The following CSMD3 variants were observed in gnomAD, a reference collection of about 807,000 sequenced individuals.
The protein encoded by CSMD3 is CUB and Sushi multiple domains 3.
A neutral mutation model predicts 435.2 loss-of-function variants in CSMD3; 177 were observed. That is an observed-to-expected ratio of 0.41 (90% CI 0.36 to 0.46). CSMD3 has a LOEUF of 0.46. Among genes scored for constraint, CSMD3 ranks in the 20% least tolerant of loss-of-function variants. The probability of loss-of-function intolerance (pLI) is 0.34; values close to 1 mark genes in which losing one functional copy is unlikely to be tolerated. For missense variants in CSMD3, 4,265 were observed against 4,504.6 expected, an observed-to-expected ratio of 0.95 and a Z score of 1.52; for synonymous variants, 1,656 against 1,520.5, an observed-to-expected ratio of 1.09 and a Z score of -2.07.
At position 112,253,974 on chromosome 8, in the gene CSMD3, T is replaced by C. The variant is rs1815524439; in HGVS notation, c.10110+279A>G. Among the ~76,000 whole-genome samples the C allele has an allele frequency of 2.6e-5, 4 of 152,192 alleles. No individual in the cohort carries two copies. In the South Asian group the frequency reaches 8.3e-4, roughly 32 times the overall value. Reference sequence around the variant, plus strand: ...ACTCCCTCACTCTTACTGTCTTATATATAACTCTCTAATGCTTATGGATTT... The same window carrying C: ...ACTCCCTCACTCTTACTGTCTTATACATAACTCTCTAATGCTTATGGATTT... On this transcript the variant is annotated intron_variant, in intron 63 of 70. Coordinates refer to ENST00000297405, the MANE Select transcript of CSMD3 (RefSeq NM_198123.2).
intron 28 of CSMD3, among the ~76,000 whole-genome samples, chr8:112,516,561 G>C (rs1477358544): frequency 1.3e-5 from 2 of 152,126 alleles, no homozygotes; most frequent in African/African-American, 4.8e-5. Flanking sequence ...CAGCTTCTTA[G>C]ATCTTCCAAA....
intron 6 of CSMD3, among the ~76,000 whole-genome samples, chr8:112,988,333 C>T (rs1246830384): frequency 1.3e-5 from 2 of 152,074 alleles, no homozygotes; most frequent in African/African-American, 4.8e-5. Context: ...TTAAATTTCA[C>T]ACCTGTTTAA....
chr8:112,918,914 T>C (rs923835351), intron 10 of CSMD3, among the ~76,000 whole-genome samples: 2 of 151,904 alleles, frequency 1.3e-5, no homozygotes, highest in African/African-American at 4.8e-5. Flanking sequence ...AAAAAGCATA[T>C]TTATTCTGTC....
intron 32 of CSMD3, among the ~76,000 whole-genome samples, chr8:112,446,051 T>C (rs1034850471): frequency 1.3e-5 from 2 of 152,184 alleles, no homozygotes; most frequent in Non-Finnish European, 2.9e-5. Flanking sequence ...GAATTTAATA[T>C]TTTCTATATT....
intron 22 of CSMD3, among the ~76,000 whole-genome samples, chr8:112,616,498 A>ATTGTCAAG (rs1833674035): frequency 6.6e-6 from 1 of 152,138 alleles, no homozygotes; most frequent in Admixed American, 6.6e-5. Flanking sequence ...GAATTATGGC[A>ATTGTCAAG]TTGTCAAGTA....
At chr8:112,943,790 T>G (rs2083522503) in intron 9 of CSMD3, among the ~76,000 whole-genome samples, 1 of 151,720 alleles carries the variant, frequency 6.6e-6, no homozygotes, top group Admixed American at 6.6e-5. Context: ...CAACTTCTGC[T>G]TCTGAAACTG....
Position 112,314,486 on chromosome 8 carries a change from T to G in CSMD3, c.7492A>C (p.Met2498Leu). 1.9e-6 allele frequency: 3 copies of G among 1,612,658 alleles called. No homozygotes were observed. The highest frequency in any genetic ancestry group is 2.5e-6 in the Non-Finnish European group (3 of 1,178,820). ...TCTGTCTGGAAGAATTCTACAAACA[T>G]GGTGATATTATAACCCTTTTCCACT... ...ISVEKGYNIT[M>L]FVEFFQTEKE... The change falls in exon 48 of 71, where the codon ATG (methionine) becomes CTG (leucine). Residue 2498 changes from methionine to leucine, a missense_variant. Transcript: ENST00000297405.
At chr8:112,481,669 T>A (rs1461612051) in intron 31 of CSMD3, among the ~76,000 whole-genome samples, 1 of 152,208 alleles carries the variant, frequency 6.6e-6, no homozygotes, top group Non-Finnish European at 1.5e-5. Flanking sequence ...TCATAAATCC[T>A]AGTATAGAAT....
chr8:113,377,564 C>G (rs143929843), intron 1 of CSMD3, among the ~76,000 whole-genome samples: 342 of 152,192 alleles, frequency 2.2e-3, no homozygotes, highest in African/African-American at 7.9e-3. Context: ...ATTTTTAATC[C>G]AAAGAAGGTA....
chr8:112,942,642 C>T (rs1317015646), intron 9 of CSMD3, among the ~76,000 whole-genome samples: 3 of 151,552 alleles, frequency 2.0e-5, no homozygotes, highest in Non-Finnish European at 1.5e-5. Context: ...TTCTCACTTA[C>T]AAGTAAGAAC....
At chr8:113,283,010 G>A (rs1017668272) in intron 2 of CSMD3, among the ~76,000 whole-genome samples, 1 of 152,072 alleles carries the variant, frequency 6.6e-6, no homozygotes. Flanking sequence ...AGCAAATGGT[G>A]CTGAGATAAT....
intron 3 of CSMD3, among the ~76,000 whole-genome samples, chr8:113,236,892 T>G (rs2132221816): frequency 6.6e-6 from 1 of 152,300 alleles, no homozygotes; most frequent in East Asian, 1.9e-4. Flanking sequence ...GTTCTGGCTC[T>G]GAAGAATTCT....
At position 112,689,983 on chromosome 8, in the gene CSMD3, A is replaced by G. The variant is rs1372513658; in HGVS notation, c.2040T>C (p.Phe680=). The change falls in exon 14 of 71, where the codon TTT becomes TTC. Residue 680 remains phenylalanine (F), a synonymous_variant. Coordinates refer to ENST00000297405, the MANE Select transcript of CSMD3 (RefSeq NM_198123.2). ...PLYGIREGDG[F]SNRDVLRFEC... ...CAAACCTTAAAACATCACGATTAGAAAATCCATCGCCTTCTCTAATTCCAT... is the reference window on the plus strand; with the variant it reads ...CAAACCTTAAAACATCACGATTAGAGAATCCATCGCCTTCTCTAATTCCAT... 6.2e-7 allele frequency: 1 copy of G among 1,612,902 alleles called. No homozygotes were observed. The highest frequency in any genetic ancestry group is 8.5e-7 in the Non-Finnish European group (1 of 1,179,168).
chr8:112,335,948 C>T (rs767564183), intron 44 of CSMD3, among the ~76,000 whole-genome samples: 24 of 152,118 alleles, frequency 1.6e-4, no homozygotes, highest in African/African-American at 2.2e-4. Context: ...GGCCTCACTC[C>T]GTTGCCCATG....
intron 16 of CSMD3, among the ~76,000 whole-genome samples, chr8:112,666,985 T>G (rs2075541878): frequency 6.6e-6 from 1 of 152,174 alleles, no homozygotes; most frequent in Non-Finnish European, 1.5e-5. Flanking sequence ...TTTCTTAGAT[T>G]TGTATTTTGA....
At chr8:112,380,250 C>A (rs1315949122) in intron 38 of CSMD3, 102 bp downstream of exon 38, 4 of 623,582 alleles carry the variant, frequency 6.4e-6, no homozygotes, top group Middle Eastern at 4.4e-4. Context: ...ACAATGTTTT[C>A]TTTGAGAAAG....
At chr8:112,778,983 A>G (rs1400289079) in intron 13 of CSMD3, among the ~76,000 whole-genome samples, 1 of 151,768 alleles carries the variant, frequency 6.6e-6, no homozygotes, top group Admixed American at 6.6e-5. Context: ...ATCTTTTTCC[A>G]GTCTGTTCAT....
chr8:112,947,001 A>T (rs2083632285), intron 9 of CSMD3, among the ~76,000 whole-genome samples: 3 of 151,694 alleles, frequency 2.0e-5, no homozygotes, highest in African/African-American at 7.2e-5. Flanking sequence ...AAGTAAAAAT[A>T]AAAAATATGT....
chr8:113,096,016 C>T (rs1457971499), intron 5 of CSMD3, among the ~76,000 whole-genome samples: 2 of 152,086 alleles, frequency 1.3e-5, no homozygotes, highest in Non-Finnish European at 2.9e-5. Flanking sequence ...TGTCCCACAA[C>T]TCAGGTATTA....
Sources: allele counts gnomAD v4.1 joint callset (sites outside exome capture counted in the v4.1 genomes callset), GRCh38; gene constraint gnomAD v4.1.1; transcripts MANE v1.5; gene names NCBI Gene and HGNC (gene_info 2026-07-23, HGNC 2026-07-21).